Variants in TGM2 observed in about 807,000 individuals in gnomAD.
The protein encoded by TGM2 is transglutaminase 2.
TGM2 carries 53 observed loss-of-function variants against 75.6 expected under a neutral mutation model. The observed-to-expected ratio is 0.70, with a 90% confidence interval of 0.56 to 0.88. TGM2 has a LOEUF of 0.88. Ranked by LOEUF, TGM2 falls within the 40% of genes least tolerant of loss-of-function variation. TGM2 has a pLI of 0.00. For synonymous variants in TGM2, 374 were observed against 381.1 expected (o/e 0.98, Z 0.22); for missense variants, 842 against 928.5 (o/e 0.91, Z 1.21).
At chr20:38,154,537 C>T (rs145767893) in intron 3 of TGM2, among the ~76,000 whole-genome samples, 161 of 152,324 alleles carry the variant, frequency 1.1e-3, no homozygotes, top group African/African-American at 3.8e-3. Flanking sequence ...CCAAGCTCTC[C>T]CCTCTGACTT....
At chr20:38,156,236 G>T (rs1372902557) in intron 2 of TGM2, 147 bp from the exon 3 acceptor site, 2 of 1,080,282 alleles carry the variant, frequency 1.9e-6, no homozygotes, top group East Asian at 5.2e-5. Flanking sequence ...GTCTCCCTGA[G>T]CCTCAGTTTC....
chr20:38,167,653 A>T (rs1166576537), upstream of TGM2, among the ~76,000 whole-genome samples: 3 of 152,092 alleles, frequency 2.0e-5, no homozygotes, highest in Non-Finnish European at 4.4e-5. Flanking sequence ...AGAGATTTTT[A>T]AACTCTTCTT....
chr20:38,163,782 A>G (rs1446233483), intron 1 of TGM2, among the ~76,000 whole-genome samples: 2 of 152,204 alleles, frequency 1.3e-5, no homozygotes, highest in East Asian at 3.9e-4. Flanking sequence ...CGGCGAGGAA[A>G]TGTTTTTGGA....
rs192527583 is a variant in TGM2 at position 38,142,939 on chromosome 20, T to G, written c.860-740A>C. On this transcript the variant is annotated intron_variant, in intron 6 of 12. Transcript: ENST00000361475. ...CTGCAATTCCCTCTGCCTGGAAGGC[T>G]GCCTGCCAGGTTCAGGTTGCCCCAT... Among the ~76,000 whole-genome samples the G allele has an allele frequency of 1.0e-3, 155 of 152,374 alleles. 1 individual carries two copies. The highest frequency in any genetic ancestry group is 3.5e-3 in the African/African-American group (144 of 41,592).
At chr20:38,142,692 G>A (rs1404449626) in intron 6 of TGM2, among the ~76,000 whole-genome samples, 1 of 152,242 alleles carries the variant, frequency 6.6e-6, no homozygotes, top group Non-Finnish European at 1.5e-5. Flanking sequence ...CTGGGCGACA[G>A]AGTGAGACTC....
At chr20:38,159,825 C>T (rs924107398) in intron 2 of TGM2, among the ~76,000 whole-genome samples, 2 of 152,198 alleles carry the variant, frequency 1.3e-5, no homozygotes, top group African/African-American at 4.8e-5. Context: ...TTCTAAGCTG[C>T]GAGGATTCAA....
intron 2 of TGM2, among the ~76,000 whole-genome samples, chr20:38,161,141 G>C (rs566264700): frequency 1.3e-5 from 2 of 152,196 alleles, no homozygotes; most frequent in African/African-American, 4.8e-5. Context: ...CTGGTTGAAG[G>C]CTGACCTGCA....
In TGM2 at chr20:38,129,858, C is replaced by T; in HGVS notation, c.*361G>A. 1 of 273,788 alleles carries T rather than the reference C, an allele frequency of 3.7e-6. No individual in the cohort carries two copies. The highest frequency in any genetic ancestry group is 7.1e-6 in the Non-Finnish European group (1 of 139,942). 17.0% of individuals were successfully genotyped at this position (273,788 alleles called of 1,614,324 possible). A position where few individuals can be genotyped will look rare whatever the true frequency, so the allele number is the denominator to read the frequency against. On this transcript the variant is annotated 3_prime_UTR_variant, in exon 13 of 13. Coordinates refer to ENST00000361475, the MANE Select transcript of TGM2 (RefSeq NM_004613.4). Reference sequence around the variant, plus strand: ...GGGCATGCTGTCCCTTTTTTGCCTGCTCCAAGGAGCTATGAAGTAGATCAA... The same window carrying T: ...GGGCATGCTGTCCCTTTTTTGCCTGTTCCAAGGAGCTATGAAGTAGATCAA...
intron 8 of TGM2, among the ~76,000 whole-genome samples, chr20:38,140,803 T>A (rs2074962687): frequency 6.6e-6 from 1 of 152,266 alleles, no homozygotes; most frequent in African/African-American, 2.4e-5. Context: ...TGTAACGCTA[T>A]GTATTATATT....
At chr20:38,164,921 G>A (rs538371483) in intron 1 of TGM2, among the ~76,000 whole-genome samples, 1 of 152,356 alleles carries the variant, frequency 6.6e-6, no homozygotes, top group South Asian at 2.1e-4. Flanking sequence ...CTGAGGACAC[G>A]TGCCAGTGGT....
At chr20:38,140,740 A>C (rs1260512315) in intron 8 of TGM2, among the ~76,000 whole-genome samples, 2 of 152,188 alleles carry the variant, frequency 1.3e-5, no homozygotes, top group African/African-American at 4.8e-5. Flanking sequence ...TTATATCATA[A>C]ATTCATTTTT....
rs2076389 is a variant in TGM2, at chr20:38,141,390, G to A, written c.996-5C>T. The A allele has an allele frequency of 0.15, 231,951 of 1,566,602 alleles. 18,128 individuals carry two copies. Among genetic ancestry groups the A allele is most frequent in the East Asian group, 0.27 (11,697 of 42,812 alleles). ...TCCACCCAGCAGTGGAAGTTCCTGA[G>A]GGGGATAGGGGGGCGGGAATGAAGC... is the stretch of plus-strand genomic sequence containing the variant. On this transcript the variant is annotated splice_region_variant and splice_polypyrimidine_tract_variant and intron_variant, in intron 7 of 12. Transcript: ENST00000361475.
chr20:38,146,067 C>T (rs922774232), intron 6 of TGM2: 4 of 156,248 alleles, frequency 2.6e-5, no homozygotes, highest in African/African-American at 9.6e-5. Context: ...AACCCATTCT[C>T]ATAAGCACCA....
At chr20:38,134,910 G>A (rs2074879723) in intron 10 of TGM2, among the ~76,000 whole-genome samples, 1 of 152,216 alleles carries the variant, frequency 6.6e-6, no homozygotes, top group African/African-American at 2.4e-5. Flanking sequence ...CTCAGCTTGA[G>A]CTTGGCATTG....
chr20:38,153,528 A>AAAAAAAAAAAAAAAAAAAAAAAAAAG (rs56670550), intron 3 of TGM2, among the ~76,000 whole-genome samples: 9 of 125,224 alleles, frequency 7.2e-5, no homozygotes, highest in East Asian at 2.9e-4. Flanking sequence ...TGGTCTCAAA[A>AAAAAAAAAAAAAAAAAAAAAAAAAAG]AAAAGAAAAA....
At chr20:38,134,027 C>T (rs756531261) in intron 10 of TGM2, among the ~76,000 whole-genome samples, 22 of 152,184 alleles carry the variant, frequency 1.4e-4, no homozygotes, top group Non-Finnish European at 2.4e-4. Context: ...CCTGAGTCTA[C>T]TGCTAAAGAG....
intron 8 of TGM2, among the ~76,000 whole-genome samples, 198 bp downstream of exon 8, chr20:38,141,084 C>T (rs17789803): frequency 0.17 from 25,300 of 152,096 alleles, 2,221 homozygotes; most frequent in East Asian, 0.28. Flanking sequence ...TTCCTGCTTT[C>T]CGCAATGCAC....
intron 3 of TGM2, among the ~76,000 whole-genome samples, chr20:38,155,203 C>A (rs1224656220): frequency 1.3e-5 from 2 of 152,198 alleles, no homozygotes; most frequent in Non-Finnish European, 2.9e-5. Context: ...CAGCTGGGCA[C>A]CCTATTCCTG....
intron 3 of TGM2, 73 bp downstream of exon 3, chr20:38,155,774 T>G (rs2075176304): frequency 6.5e-7 from 1 of 1,528,112 alleles, no homozygotes; most frequent in Non-Finnish European, 8.8e-7. Context: ...TCTTCTCACC[T>G]CCAGTAGCCT....
Sources: allele counts gnomAD v4.1 joint callset (sites outside exome capture counted in the v4.1 genomes callset), GRCh38; gene constraint gnomAD v4.1.1; transcripts MANE v1.5; gene names NCBI Gene and HGNC (gene_info 2026-07-23, HGNC 2026-07-21).